The following INTS9 variants were observed in gnomAD, a reference collection of about 807,000 sequenced individuals.
INTS9 encodes the protein protein related to CPSF subunits of 74 kDa.
INTS9 carries 55 observed loss-of-function variants against 79.7 expected under a neutral mutation model. That is an observed-to-expected ratio of 0.69 (90% CI 0.56 to 0.86). The LOEUF (loss-of-function observed/expected upper bound fraction) is 0.86. Ranked by LOEUF, INTS9 falls within the 40% of genes least tolerant of loss-of-function variation. INTS9 has a pLI of 0.00. For synonymous variants in INTS9, 319 were observed against 325.2 expected (o/e 0.98, Z 0.20); for missense variants, 721 against 831.5 (o/e 0.87, Z 1.64).
At chr8:28,784,706 G>T (rs1190080411) in intron 11 of INTS9, among the ~76,000 whole-genome samples, 6 of 152,190 alleles carry the variant, frequency 3.9e-5, no homozygotes, top group Non-Finnish European at 8.8e-5. Flanking sequence ...TTGAGGAGGG[G>T]TTATAAATAT....
chr8:28,775,745 G>A lies in INTS9; in HGVS notation c.1563+14C>T, dbSNP rs763903311. On this transcript the variant is annotated intron_variant, in intron 14 of 16. Coordinates refer to ENST00000521022, the MANE Select transcript of INTS9 (RefSeq NM_018250.4). ...GAAAGCTCTAGTTTAACCCTAGGAAGGAGAACAGCTCACCTCTGGCATGAT... is the reference window on the plus strand; with the variant it reads ...GAAAGCTCTAGTTTAACCCTAGGAAAGAGAACAGCTCACCTCTGGCATGAT... 1.2e-6 allele frequency: 2 copies of A among 1,613,640 alleles called. No individual in the cohort carries two copies. The highest frequency in any genetic ancestry group is 2.2e-5 in the South Asian group (2 of 91,042).
chr8:28,849,102 C>T (rs1238216182), intron 3 of INTS9, among the ~76,000 whole-genome samples: 1 of 152,172 alleles, frequency 6.6e-6, no homozygotes. Context: ...TTAACAGTAT[C>T]TATTACAAGA....
intron 4 of INTS9, among the ~76,000 whole-genome samples, chr8:28,844,405 T>C (rs943952704): frequency 6.6e-6 from 1 of 152,006 alleles, no homozygotes; most frequent in Non-Finnish European, 1.5e-5. Context: ...CAGGGTGTGG[T>C]TGTGTGCACC....
At chr8:28,845,913 G>C (rs1022982234) in intron 4 of INTS9, among the ~76,000 whole-genome samples, 2 of 152,116 alleles carry the variant, frequency 1.3e-5, no homozygotes, top group African/African-American at 4.8e-5. Flanking sequence ...TTGATCTACA[G>C]GATATTAAAC....
At chr8:28,850,918 G>C (rs1293490939) in intron 2 of INTS9, among the ~76,000 whole-genome samples, 1 of 152,172 alleles carries the variant, frequency 6.6e-6, no homozygotes, top group Non-Finnish European at 1.5e-5. Flanking sequence ...TCATGTATAT[G>C]TTACATTTTA....
At chr8:28,871,798 A>G (rs1809110983) in intron 1 of INTS9, among the ~76,000 whole-genome samples, 1 of 152,190 alleles carries the variant, frequency 6.6e-6, no homozygotes, top group African/African-American at 2.4e-5. Flanking sequence ...CTTTTCTATG[A>G]GAAAAACTAC....
chr8:28,793,223 G>A (rs1306451546), intron 10 of INTS9, among the ~76,000 whole-genome samples: 3 of 152,088 alleles, frequency 2.0e-5, no homozygotes, highest in Admixed American at 2.0e-4. Context: ...GCACCACTGG[G>A]GATATTGTAA....
intron 8 of INTS9, among the ~76,000 whole-genome samples, chr8:28,802,474 C>T (rs748581953): frequency 2.6e-5 from 4 of 152,262 alleles, no homozygotes; most frequent in African/African-American, 7.2e-5. Flanking sequence ...CAGAGAACCA[C>T]GTGTCTTAGC....
At chr8:28,839,093 C>T (rs539597151) in intron 4 of INTS9, among the ~76,000 whole-genome samples, 2 of 152,174 alleles carry the variant, frequency 1.3e-5, no homozygotes, top group South Asian at 2.1e-4. Flanking sequence ...GCAAGTGACT[C>T]GGTTAAGAGA....
At chr8:28,776,914 G>A (rs940186385) in intron 13 of INTS9, among the ~76,000 whole-genome samples, 1 of 152,260 alleles carries the variant, frequency 6.6e-6, no homozygotes, top group South Asian at 2.1e-4. Context: ...TGCTTCTAAC[G>A]TGGATGAGCA....
chr8:28,807,997 TA>T (rs1804904311), intron 8 of INTS9, among the ~76,000 whole-genome samples: 1 of 152,220 alleles, frequency 6.6e-6, no homozygotes, highest in African/African-American at 2.4e-5. Context: ...TCAAATCAAT[TA>T]AAAAATTAAT....
chr8:28,868,832 G>A (rs1808907070), intron 1 of INTS9, among the ~76,000 whole-genome samples: 1 of 152,160 alleles, frequency 6.6e-6, no homozygotes, highest in Non-Finnish European at 1.5e-5. Context: ...GCTGGATGCG[G>A]TGGCTCATGG....
Position 28,794,985 on chromosome 8 carries a change from T to C in INTS9, c.857-998A>G, listed in dbSNP as rs1015214043. ...AAGACTCTATTTGAGATTAGTCCAA[T>C]TATTTTTCTAAGGTACAAATAAATT... On this transcript the variant is annotated intron_variant, in intron 9 of 16. Coordinates refer to ENST00000521022, the MANE Select transcript of INTS9 (RefSeq NM_018250.4). 3.9e-5 allele frequency among the ~76,000 whole-genome samples: 6 copies of C among 152,238 alleles called. No homozygotes were observed. In the East Asian group the frequency reaches 1.2e-3, roughly 29 times the overall value.
chr8:28,772,696 A>G (rs1309637878), intron 14 of INTS9, among the ~76,000 whole-genome samples: 2 of 151,864 alleles, frequency 1.3e-5, no homozygotes, highest in Non-Finnish European at 2.9e-5. Flanking sequence ...AGTCCCAGAT[A>G]CTCGGGAGGC....
chr8:28,812,470 G>T lies in INTS9; in HGVS notation c.610-9C>A. On this transcript the variant is annotated splice_polypyrimidine_tract_variant and intron_variant, in intron 7 of 16. Transcript: ENST00000521022. ...ACCGCACCAAAAAGCTCCTAAAAGAGAACCACAGTAAGAATGTGCAATGAG... is the reference window on the plus strand; with the variant it reads ...ACCGCACCAAAAAGCTCCTAAAAGATAACCACAGTAAGAATGTGCAATGAG... The T allele has an allele frequency of 6.2e-7, 1 of 1,612,610 alleles. No homozygotes were observed. Among genetic ancestry groups the T allele is most frequent in the Non-Finnish European group, 8.5e-7 (1 of 1,179,548 alleles).
intron 6 of INTS9, among the ~76,000 whole-genome samples, chr8:28,818,730 C>A (rs1038250944): frequency 2.0e-5 from 3 of 151,922 alleles, no homozygotes; most frequent in Admixed American, 2.0e-4. Flanking sequence ...AGGAATGGTA[C>A]CAGTTCCGCC....
In INTS9 at chr8:28,796,588, G is replaced by T. The variant is rs747983258; in HGVS notation, c.812C>A (p.Thr271Asn). 1.2e-6 allele frequency: 2 copies of T among 1,614,094 alleles called. No individual in the cohort carries two copies. The highest frequency in any genetic ancestry group is 2.2e-5 in the South Asian group (2 of 91,080). Residue 271 changes from threonine (T) to asparagine (N), a missense_variant, in exon 9 of 17, where the codon ACT becomes AAT. By Grantham distance (65) the Thr-to-Asn change is moderately conservative. This residue lies in a region of INTS9 where 149 missense variants were observed against 223.7 expected (regional missense o/e 0.67). Transcript: ENST00000521022. Reference protein sequence around the residue: ...LVLTGLTQIPTANPDGMVGEF... With the variant: ...LVLTGLTQIPNANPDGMVGEF... Reference sequence around the variant, plus strand: ...TCCCACCATTCCATCTGGGTTTGCAGTGGGGATCTGGGTAAGCCCTGTCAG... The same window carrying T: ...TCCCACCATTCCATCTGGGTTTGCATTGGGGATCTGGGTAAGCCCTGTCAG...
In INTS9 at chr8:28,813,705, G is replaced by T. The variant is rs538366012; in HGVS notation, c.489-93C>A. ...GTAATTTGTCCATTTGATCCAAATGGTTTAATTTACTGGCATATAATTGTT... is the reference window on the plus strand; with the variant it reads ...GTAATTTGTCCATTTGATCCAAATGTTTTAATTTACTGGCATATAATTGTT... On this transcript the variant is annotated intron_variant, in intron 6 of 16. Transcript: ENST00000521022. 6.4e-4 allele frequency: 888 copies of T among 1,387,798 alleles called. 7 individuals carry two copies. In the African/African-American group the frequency reaches 0.01, roughly 16 times the overall value. The allele number at this position is 1,387,798 out of a possible 1,614,324, so 86.0% of individuals were successfully genotyped here.
intron 1 of INTS9, among the ~76,000 whole-genome samples, chr8:28,871,185 G>C (rs546972819): frequency 6.6e-6 from 1 of 152,314 alleles, no homozygotes; most frequent in Admixed American, 6.5e-5. Context: ...ATTTGGTAGA[G>C]ACTTTGGGAG....
Sources: allele counts gnomAD v4.1 joint callset (sites outside exome capture counted in the v4.1 genomes callset), GRCh38; gene constraint gnomAD v4.1.1; regional missense constraint gnomAD v4.1.1; transcripts MANE v1.5; gene names NCBI Gene and HGNC (gene_info 2026-07-23, HGNC 2026-07-21).